Variants in ZRANB3 observed in about 807,000 individuals in gnomAD.
The protein encoded by ZRANB3 is zinc finger RANBP2-type containing 3, also known as DNA annealing helicase and endonuclease ZRANB3.
In ZRANB3, 125 loss-of-function variants were observed where a neutral mutation model predicts 133.8. That is an observed-to-expected ratio of 0.93 (90% CI 0.81 to 1.08). The LOEUF (loss-of-function observed/expected upper bound fraction) is 1.08. Ranked by LOEUF, ZRANB3 falls within the 50% of genes least tolerant of loss-of-function variation. The pLI is 0.00. For missense variants in ZRANB3, 1,229 were observed against 1,275.5 expected, an observed-to-expected ratio of 0.96 and a Z score of 0.56; for synonymous variants, 387 against 432.7, an observed-to-expected ratio of 0.89 and a Z score of 1.31.
intron 12 of ZRANB3, among the ~76,000 whole-genome samples, chr2:135,243,874 C>A (rs1695664345): frequency 6.6e-6 from 1 of 151,916 alleles, no homozygotes; most frequent in South Asian, 2.1e-4. Flanking sequence ...TCTGCCTTAG[C>A]CTCCCAAAGT....
At chr2:135,382,517 G>C (rs1686759547) in intron 3 of ZRANB3, among the ~76,000 whole-genome samples, 1 of 152,104 alleles carries the variant, frequency 6.6e-6, no homozygotes, top group African/African-American at 2.4e-5. Context: ...TCCTCGAGAA[G>C]AGCAACTCCA....
intron 8 of ZRANB3, among the ~76,000 whole-genome samples, chr2:135,296,911 T>C (rs1445424186): frequency 6.6e-6 from 1 of 152,156 alleles, no homozygotes; most frequent in Non-Finnish European, 1.5e-5. Context: ...GAACCGCAAA[T>C]GCTGCTGCCT....
chr2:135,526,526 A>T (rs1358692164), intron 1 of ZRANB3, among the ~76,000 whole-genome samples: 1 of 152,192 alleles, frequency 6.6e-6, no homozygotes, highest in Non-Finnish European at 1.5e-5. Context: ...CCTACAAACC[A>T]TAAATTCTCA....
intron 8 of ZRANB3, among the ~76,000 whole-genome samples, chr2:135,283,701 A>C (rs1413887641): frequency 6.6e-6 from 1 of 152,146 alleles, no homozygotes; most frequent in Non-Finnish European, 1.5e-5. Context: ...CAATAAGATA[A>C]TCAACTTTGT....
At position 135,446,319 on chromosome 2, in the gene ZRANB3, G is replaced by C. The variant is rs1381487847; in HGVS notation, c.162-55499C>G. Among the ~76,000 whole-genome samples the C allele has an allele frequency of 2.0e-5, 3 of 152,084 alleles. No individual in the cohort carries two copies. The South Asian group carries it at 6.2e-4, about 32-fold the overall frequency. ...GGGTAAAAAAGCAGAGACATGAGTA[G>C]ATATAGAGAGCTTATAATACTTCTT... On this transcript the variant is annotated intron_variant, in intron 2 of 20. Coordinates refer to ENST00000264159, the MANE Select transcript of ZRANB3 (RefSeq NM_032143.4).
At chr2:135,498,327 C>T (rs1474675236) in intron 2 of ZRANB3, among the ~76,000 whole-genome samples, 3 of 152,038 alleles carry the variant, frequency 2.0e-5, no homozygotes, top group South Asian at 2.1e-4. Flanking sequence ...TTATTAGTTC[C>T]CCAAATTAAT....
At chr2:135,410,520 A>T (rs1335296366) in intron 2 of ZRANB3, among the ~76,000 whole-genome samples, 2 of 152,184 alleles carry the variant, frequency 1.3e-5, no homozygotes, top group African/African-American at 4.8e-5. Context: ...TAAGACCTCA[A>T]ACTACAAAAT....
chr2:135,442,006 A>C (rs961552414), intron 2 of ZRANB3, among the ~76,000 whole-genome samples: 62 of 152,284 alleles, frequency 4.1e-4, no homozygotes, highest in African/African-American at 1.4e-3. Context: ...AGAAAGCTGA[A>C]ACTGGATCCC....
chr2:135,472,514 A>C (rs899609832), intron 2 of ZRANB3, among the ~76,000 whole-genome samples: 2 of 151,782 alleles, frequency 1.3e-5, no homozygotes, highest in Non-Finnish European at 2.9e-5. Context: ...AAAAAAAAAA[A>C]AAAAAACTCA....
chr2:135,458,679 G>T (rs1690633483), intron 2 of ZRANB3, among the ~76,000 whole-genome samples: 1 of 151,908 alleles, frequency 6.6e-6, no homozygotes, highest in Admixed American at 6.6e-5. Context: ...TCTAAGTCGG[G>T]GGAAGAAAAC....
intron 2 of ZRANB3, among the ~76,000 whole-genome samples, chr2:135,476,755 G>C (rs1443810224): frequency 6.7e-6 from 1 of 150,126 alleles, no homozygotes; most frequent in Non-Finnish European, 1.5e-5. Context: ...CCAGGCTGGA[G>C]GGCAGTGGCA....
chr2:135,431,681 G>A (rs548359662), intron 2 of ZRANB3, among the ~76,000 whole-genome samples: 1 of 152,164 alleles, frequency 6.6e-6, no homozygotes, highest in South Asian at 2.1e-4. Context: ...AAAATATATA[G>A]ATAGCCAGTA....
At chr2:135,441,077 C>T (rs979631014) in intron 2 of ZRANB3, among the ~76,000 whole-genome samples, 13 of 151,746 alleles carry the variant, frequency 8.6e-5, no homozygotes, top group African/African-American at 3.1e-4. Flanking sequence ...AATCAGGGTC[C>T]GAAACTTCCC....
At chr2:135,483,881 T>C (rs900851133) in intron 2 of ZRANB3, among the ~76,000 whole-genome samples, 4 of 152,232 alleles carry the variant, frequency 2.6e-5, no homozygotes, top group African/African-American at 7.2e-5. Flanking sequence ...CCAGTAGTCA[T>C]TCAGGAGCAG....
At chr2:135,456,003 T>G (rs1690502235) in intron 2 of ZRANB3, among the ~76,000 whole-genome samples, 2 of 152,246 alleles carry the variant, frequency 1.3e-5, no homozygotes, top group Non-Finnish European at 2.9e-5. Flanking sequence ...AAAATCTACT[T>G]TGCTTATTTC....
intron 3 of ZRANB3, among the ~76,000 whole-genome samples, chr2:135,381,081 CA>C (rs1257259666): frequency 6.6e-6 from 1 of 152,110 alleles, no homozygotes. Context: ...CGTAAGGGAT[CA>C]GGGAATTCCC....
intron 15 of ZRANB3, among the ~76,000 whole-genome samples, chr2:135,223,980 C>T (rs112737211): frequency 1.3e-5 from 2 of 152,172 alleles, no homozygotes; most frequent in African/African-American, 4.8e-5. Flanking sequence ...CTTGTTTTAT[C>T]TTTATAACAA....
intron 3 of ZRANB3, among the ~76,000 whole-genome samples, chr2:135,383,136 G>C (rs1471941930): frequency 1.3e-5 from 2 of 152,018 alleles, no homozygotes; most frequent in African/African-American, 2.4e-5. Flanking sequence ...TCAAAATAAA[G>C]GGATGGAGGA....
At chr2:135,507,586 G>A (rs527846667) in intron 1 of ZRANB3, among the ~76,000 whole-genome samples, 1 of 151,898 alleles carries the variant, frequency 6.6e-6, no homozygotes, top group Admixed American at 6.5e-5. Flanking sequence ...GTTTTAGGGT[G>A]GAACACTGGC....
Sources: allele counts gnomAD v4.1 joint callset (sites outside exome capture counted in the v4.1 genomes callset), GRCh38; gene constraint gnomAD v4.1.1; transcripts MANE v1.5; gene names NCBI Gene and HGNC (gene_info 2026-07-23, HGNC 2026-07-21).